FUNDC1: variants seen among roughly 807,000 people sequenced by gnomAD.
The protein encoded by FUNDC1 is FUN14 domain-containing protein 1.
In FUNDC1, 10 loss-of-function variants were observed where a neutral mutation model predicts 14.5. The ratio of observed to expected loss-of-function variants is 0.69; its 90% CI spans 0.43 to 1.17. FUNDC1 has a LOEUF of 1.17. Ranked by LOEUF, FUNDC1 falls within the 50% of genes most tolerant of loss-of-function variation. The pLI, the probability that FUNDC1 is intolerant of heterozygous loss-of-function variation, is 0.00. For missense variants in FUNDC1, 115 were observed against 113.8 expected (o/e 1.01, Z -0.05); for synonymous variants, 33 against 39.7 (o/e 0.83, Z 0.64).
At position 44,542,761 on chromosome X, in the gene FUNDC1, T is replaced by G. The variant is rs148785115; in HGVS notation, c.28+44A>C. 2,942 of 1,139,616 alleles carry G rather than the reference T, an allele frequency of 2.6e-3. 61 individuals are homozygous for G. The African/African-American group carries it at 0.047, about 18-fold the overall frequency. The allele number at this position is 1,139,616 out of a possible 1,213,427, so 93.9% of individuals were successfully genotyped here. On this transcript the variant is annotated intron_variant, in intron 1 of 4. Transcript: ENST00000378045. ...GTGCCATAGGAGCAAGGTCGAGAGC[T>G]GTGAGCCGCGTCCCAGATACCACTT...
Position 44,542,818 on chromosome X carries a change from G to A in FUNDC1, c.15C>T (p.Asn5=). 8.6e-7 allele frequency: 1 copy of A among 1,169,288 alleles called. No individual in the cohort carries two copies. Among genetic ancestry groups the A allele is most frequent in the Non-Finnish European group, 1.1e-6 (1 of 873,502 alleles). ...CTGGCCGCTCACCTTGGGGAGGGGG[G>A]TTCCGGGTCGCCATGATACCGCCAG... MATR[N]PPPQDYESDD... is the part of the protein sequence containing the mutation. The change falls in exon 1 of 5, where the codon AAC becomes AAT. Residue 5 remains asparagine, a synonymous_variant. Coordinates refer to ENST00000378045, the MANE Select transcript of FUNDC1 (RefSeq NM_173794.4).
rs1186248147 is a variant in FUNDC1, at chrX:44,531,297, G to C, written c.262-3932C>G. 4.4e-3 allele frequency among the ~76,000 whole-genome samples: 118 copies of C among 26,715 alleles called. 11 individuals are homozygous for C. Among genetic ancestry groups the C allele is most frequent in the African/African-American group, 8.1e-3 (9 of 1,118 alleles). 23.2% of individuals were successfully genotyped at this position (26,715 alleles called of 115,157 possible). A position where few individuals can be genotyped will look rare whatever the true frequency, so the allele number is the denominator to read the frequency against. ...ACACACACACACACGGCTTTCAGAT[G>C]AAGATTCATGTTGGCCAGACACACA... On this transcript the variant is annotated intron_variant, in intron 3 of 4. Coordinates refer to ENST00000378045, the MANE Select transcript of FUNDC1 (RefSeq NM_173794.4).
chrX:44,542,803 A>G lies in FUNDC1; in HGVS notation c.28+2T>C. ...ATACCACTTCGGGCCCTGGCCGCTC[A>G]CCTTGGGGAGGGGGGTTCCGGGTCG... On this transcript the variant is annotated splice_donor_variant, in intron 1 of 4. Coordinates refer to ENST00000378045, the MANE Select transcript of FUNDC1 (RefSeq NM_173794.4). LOFTEE classifies it high-confidence loss of function. The G allele has an allele frequency of 8.6e-7, 1 of 1,166,630 alleles. No individual in the cohort carries two copies. Among genetic ancestry groups the G allele is most frequent in the East Asian group, 3.3e-5 (1 of 30,763 alleles).
chrX:44,539,216 G>A (rs1230747119), intron 2 of FUNDC1, among the ~76,000 whole-genome samples: 1 of 111,626 alleles, frequency 9.0e-6, no homozygotes, highest in Non-Finnish European at 1.9e-5. Flanking sequence ...CGCTCCTTCA[G>A]TGAGCTCACA....
At chrX:44,536,192 G>A (rs73633294) in intron 3 of FUNDC1, among the ~76,000 whole-genome samples, 14,957 of 106,979 alleles carry the variant, frequency 0.14, 1,798 homozygotes, top group African/African-American at 0.38. Flanking sequence ...GGCAGCTGTA[G>A]TCTATAATCC....
intron 3 of FUNDC1, among the ~76,000 whole-genome samples, chrX:44,531,611 A>C (rs1390915603): frequency 9.1e-6 from 1 of 109,985 alleles, no homozygotes; most frequent in Non-Finnish European, 1.9e-5. Context: ...TTAGTGCTCA[A>C]TTCTTAAATA....
intron 1 of FUNDC1, 86 bp downstream of exon 1, chrX:44,542,719 G>A: frequency 1.1e-6 from 1 of 935,160 alleles, no homozygotes; most frequent in Non-Finnish European, 1.5e-6. Flanking sequence ...AGAATCCTAG[G>A]GCAGGGGAAG....
At chrX:44,533,566 T>G (rs1449524391) in intron 3 of FUNDC1, among the ~76,000 whole-genome samples, 4 of 92,774 alleles carry the variant, frequency 4.3e-5, no homozygotes, top group Admixed American at 1.3e-4. Flanking sequence ...AGGCAGAGCT[T>G]GCAGTGAGCC....
At chrX:44,524,826 A>G (rs778373826) in intron 4 of FUNDC1, among the ~76,000 whole-genome samples, 44 of 111,477 alleles carry the variant, frequency 3.9e-4, no homozygotes, top group African/African-American at 1.4e-3. Flanking sequence ...TATTGAGATA[A>G]TAAGTATATG....
chrX:44,535,385 G>A (rs1451400206), intron 3 of FUNDC1, among the ~76,000 whole-genome samples: 3 of 108,967 alleles, frequency 2.8e-5, no homozygotes, highest in African/African-American at 1.0e-4. Context: ...AAATAATACT[G>A]GGCCAGGTGC....
At chrX:44,538,130 G>A (rs142939444) in intron 3 of FUNDC1, among the ~76,000 whole-genome samples, 127 of 111,535 alleles carry the variant, frequency 1.1e-3, no homozygotes, top group East Asian at 9.4e-3. Context: ...TACTACAGGC[G>A]TGCACCACCA....
chrX:44,535,396 G>A (rs1390113095), intron 3 of FUNDC1, among the ~76,000 whole-genome samples: 2 of 109,203 alleles, frequency 1.8e-5, no homozygotes, highest in Admixed American at 2.0e-4. Flanking sequence ...GGCCAGGTGC[G>A]GTGGCTCACA....
chrX:44,537,624 T>C (rs1338440202), intron 3 of FUNDC1, among the ~76,000 whole-genome samples: 1 of 112,172 alleles, frequency 8.9e-6, no homozygotes, highest in Non-Finnish European at 1.9e-5. Flanking sequence ...TCTAGTCCCC[T>C]TGTACTACAA....
At chrX:44,528,941 C>T (rs1166973670) in intron 3 of FUNDC1, among the ~76,000 whole-genome samples, 4 of 111,212 alleles carry the variant, frequency 3.6e-5, no homozygotes, top group African/African-American at 9.8e-5. Context: ...GTGATCCACC[C>T]GCCTCGGCCT....
At chrX:44,540,768 T>A (rs1396512611) in intron 2 of FUNDC1, among the ~76,000 whole-genome samples, 1 of 112,016 alleles carries the variant, frequency 8.9e-6, no homozygotes. Context: ...CAATCACCCA[T>A]GGAACCAAAT....
At chrX:44,528,853 C>T (rs1275473102) in intron 3 of FUNDC1, among the ~76,000 whole-genome samples, 2 of 111,554 alleles carry the variant, frequency 1.8e-5, no homozygotes, top group Non-Finnish European at 3.8e-5. Flanking sequence ...CTTGCCACCA[C>T]GCCCGGCTGA....
intron 3 of FUNDC1, among the ~76,000 whole-genome samples, chrX:44,530,344 G>A (rs1286093848): frequency 2.7e-5 from 3 of 111,859 alleles, no homozygotes; most frequent in South Asian, 3.7e-4. Context: ...CGTGGCTCAC[G>A]CCTGTAATGT....
intron 3 of FUNDC1, among the ~76,000 whole-genome samples, chrX:44,530,357 G>C (rs773899745): frequency 8.9e-6 from 1 of 112,096 alleles, no homozygotes; most frequent in Admixed American, 9.5e-5. Flanking sequence ...TGTAATGTTA[G>C]CACTTTGGGA....
At chrX:44,534,917 C>A (rs2038941180) in intron 3 of FUNDC1, among the ~76,000 whole-genome samples, 1 of 111,691 alleles carries the variant, frequency 9.0e-6, no homozygotes, top group African/African-American at 3.2e-5. Context: ...GAGGCCAAGG[C>A]GGGTGGAATG....
Sources: allele counts gnomAD v4.1 joint callset (sites outside exome capture counted in the v4.1 genomes callset), GRCh38; gene constraint gnomAD v4.1.1; transcripts MANE v1.5; gene names NCBI Gene and HGNC (gene_info 2026-07-23, HGNC 2026-07-21).